KCNN2: variants seen among roughly 807,000 people sequenced by gnomAD.
KCNN2 encodes the protein small conductance calcium-activated potassium channel protein 2.
In KCNN2, 24 loss-of-function variants were observed where a neutral mutation model predicts 55.5. That is an observed-to-expected ratio of 0.43 (90% CI 0.31 to 0.61). The LOEUF (loss-of-function observed/expected upper bound fraction) is 0.61, where lower values mean the gene tolerates loss of function less well. Ranked by LOEUF, KCNN2 falls within the 20% of genes least tolerant of loss-of-function variation. The pLI is 0.08. For missense variants in KCNN2, 754 were observed against 853.6 expected, an observed-to-expected ratio of 0.88 and a Z score of 1.45; for synonymous variants, 431 against 336.1, an observed-to-expected ratio of 1.28 and a Z score of -3.09.
At chr5:114,217,372 A>G (rs548146966) in intron 1 of KCNN2, among the ~76,000 whole-genome samples, 4 of 152,290 alleles carry the variant, frequency 2.6e-5, no homozygotes, top group Admixed American at 1.3e-4. Flanking sequence ...TAATCAAGAT[A>G]ATCAAGTATT....
At chr5:114,307,381 T>A (rs1457753) in intron 2 of KCNN2, among the ~76,000 whole-genome samples, 44,209 of 152,004 alleles carry the variant, frequency 0.29, 6,716 homozygotes, top group Middle Eastern at 0.35. Flanking sequence ...TATGTATTGC[T>A]CCTAGTAATG....
At chr5:114,482,871 A>C (rs564608077) in intron 5 of KCNN2, among the ~76,000 whole-genome samples, 1 of 152,158 alleles carries the variant, frequency 6.6e-6, no homozygotes, top group South Asian at 2.1e-4. Context: ...ACACACTGAA[A>C]CCTTCTGGAG....
At chr5:114,085,279 A>T (rs887378071) in intron 1 of KCNN2, among the ~76,000 whole-genome samples, 2 of 151,840 alleles carry the variant, frequency 1.3e-5, no homozygotes, top group African/African-American at 4.8e-5. Context: ...TTTGATTTTA[A>T]TTGTATTGAA....
At chr5:114,490,135 C>A (rs2045588) in intron 6 of KCNN2, among the ~76,000 whole-genome samples, 152,306 of 152,318 alleles carry the variant, frequency 1, 76,147 homozygotes, top group Middle Eastern at 1. Context: ...TAGCAACTTT[C>A]CCTTTAAAGT....
intron 1 of KCNN2, among the ~76,000 whole-genome samples, chr5:114,091,207 G>A (rs1751137102): frequency 6.6e-6 from 1 of 151,986 alleles, no homozygotes. Context: ...ATTTTCCCCT[G>A]GTGGTCAGTC....
chr5:114,103,464 T>A (rs998691260), intron 1 of KCNN2, among the ~76,000 whole-genome samples: 5 of 152,146 alleles, frequency 3.3e-5, no homozygotes, highest in African/African-American at 1.2e-4. Flanking sequence ...AATACTATGT[T>A]GAGTAGGAGT....
intron 2 of KCNN2, among the ~76,000 whole-genome samples, chr5:114,293,739 A>T (rs1354767337): frequency 6.6e-6 from 1 of 152,028 alleles, no homozygotes; most frequent in Non-Finnish European, 1.5e-5. Flanking sequence ...CTCTTTTTCT[A>T]TTGATTGGGA....
chr5:114,482,383 C>T (rs1762266289), intron 5 of KCNN2, among the ~76,000 whole-genome samples: 1 of 152,128 alleles, frequency 6.6e-6, no homozygotes, highest in African/African-American at 2.4e-5. Flanking sequence ...ACAACAGATG[C>T]TGGCCAGGTT....
intron 2 of KCNN2, among the ~76,000 whole-genome samples, chr5:114,272,221 C>G (rs1755352008): frequency 6.6e-6 from 1 of 151,418 alleles, no homozygotes; most frequent in African/African-American, 2.4e-5. Flanking sequence ...ATACACTTAT[C>G]TATGTGTGTA....
At chr5:114,120,413 T>G (rs1226077605) in intron 1 of KCNN2, among the ~76,000 whole-genome samples, 1 of 152,210 alleles carries the variant, frequency 6.6e-6, no homozygotes, top group African/African-American at 2.4e-5. Flanking sequence ...TTCTCTGGTT[T>G]TGAAACCTGG....
intron 3 of KCNN2, among the ~76,000 whole-genome samples, chr5:114,429,518 A>T (rs965753612): frequency 2.0e-5 from 3 of 151,852 alleles, no homozygotes; most frequent in African/African-American, 7.3e-5. Flanking sequence ...CTTATTGTAG[A>T]GTTTTAAGTG....
At chr5:114,410,986 G>A (rs1278866387) in intron 3 of KCNN2, among the ~76,000 whole-genome samples, 1 of 152,014 alleles carries the variant, frequency 6.6e-6, no homozygotes. Context: ...GAATACCTTT[G>A]GATAATCTAA....
intron 3 of KCNN2, among the ~76,000 whole-genome samples, chr5:114,422,325 A>T (rs1337743897): frequency 6.6e-6 from 1 of 152,026 alleles, no homozygotes; most frequent in Non-Finnish European, 1.5e-5. Context: ...CATGAATGGG[A>T]TTAGTGTTCT....
At chr5:114,259,601 G>A (rs559718759) in intron 2 of KCNN2, among the ~76,000 whole-genome samples, 7 of 152,028 alleles carry the variant, frequency 4.6e-5, no homozygotes, top group African/African-American at 9.7e-5. Flanking sequence ...CACATGTACC[G>A]TAAAACTTAA....
rs369959194 is a variant in KCNN2, at chr5:114,332,442, T to C, written c.-184-28503T>C. 2.4e-4 allele frequency among the ~76,000 whole-genome samples: 36 copies of C among 152,252 alleles called. 2 individuals carry two copies. In the South Asian group the frequency reaches 7.3e-3, roughly 31 times the overall value. On this transcript the variant is annotated intron_variant, in intron 2 of 10. Coordinates refer to the KCNN2 transcript ENST00000512097. ...GATTCTGGGAAAATTTAGTAATTGG[T>C]AAGGTTAAATGATAGGGAAATGTAT...
At chr5:114,193,234 C>G (rs945783266) in intron 1 of KCNN2, among the ~76,000 whole-genome samples, 2 of 152,120 alleles carry the variant, frequency 1.3e-5, no homozygotes, top group African/African-American at 4.8e-5. Flanking sequence ...CAACTCAGCT[C>G]AGCGTCTGGC....
intron 1 of KCNN2, among the ~76,000 whole-genome samples, chr5:114,197,746 A>C (rs75388026): frequency 0.063 from 9,661 of 152,194 alleles, 1,006 homozygotes; most frequent in African/African-American, 0.22. Context: ...CCATAGTTTC[A>C]AACGGGCTGC....
chr5:114,081,371 T>G (rs1177811307), intron 1 of KCNN2, among the ~76,000 whole-genome samples: 2 of 152,130 alleles, frequency 1.3e-5, no homozygotes, highest in African/African-American at 4.8e-5. Context: ...AAGACTCATA[T>G]TTTCTCATTT....
At chr5:114,152,721 G>T (rs1470563608) in intron 1 of KCNN2, among the ~76,000 whole-genome samples, 1 of 152,174 alleles carries the variant, frequency 6.6e-6, no homozygotes, top group Non-Finnish European at 1.5e-5. Context: ...TATCTCTAAG[G>T]AGGAAATTTG....
Sources: gnomAD v4.1 joint callset for allele counts (sites outside exome capture counted in the v4.1 genomes callset) on GRCh38, gnomAD v4.1.1 for gene constraint, MANE v1.5 for transcripts, NCBI Gene and HGNC (gene_info 2026-07-23, HGNC 2026-07-21) for gene names.